ABCA4: variants seen among roughly 807,000 people sequenced by gnomAD.
ABCA4 encodes ATP binding cassette subfamily A member 4, also known as retinal-specific phospholipid-transporting ATPase ABCA4.
ABCA4 carries 196 observed loss-of-function variants against 263.7 expected under a neutral mutation model. The observed-to-expected ratio is 0.74, with a 90% CI of 0.66 to 0.84. The LOEUF is 0.84. Ranked by LOEUF, ABCA4 falls within the 40% of genes least tolerant of loss-of-function variation. The probability of loss-of-function intolerance (pLI) is 0.00; values close to 1 mark genes in which losing one functional copy is unlikely to be tolerated. For missense variants in ABCA4, 2,792 were observed against 2,855.1 expected (o/e 0.98, Z 0.50); for synonymous variants, 1,133 against 1,094.2 (o/e 1.04, Z -0.70).
intron 31 of ABCA4, 101 bp from the exon 32 acceptor site, chr1:94,023,519 T>C: frequency 4.6e-6 from 5 of 1,076,900 alleles, no homozygotes; most frequent in Non-Finnish European, 7.0e-6. Context: ...GTCTCAGTCT[T>C]CAGGGGCATT....
intron 1 of ABCA4, among the ~76,000 whole-genome samples, chr1:94,119,386 T>C (rs1570440182): frequency 6.6e-6 from 1 of 152,206 alleles, no homozygotes; most frequent in Non-Finnish European, 1.5e-5. Context: ...CCCTGCGTCC[T>C]GGGCCAGCCA....
chr1:94,012,516 G>C (rs774731454), intron 38 of ABCA4, among the ~76,000 whole-genome samples: 5 of 152,100 alleles, frequency 3.3e-5, no homozygotes, highest in Non-Finnish European at 7.4e-5. Flanking sequence ...CCTGGAGGGT[G>C]GGCACTGAGT....
intron 20 of ABCA4, among the ~76,000 whole-genome samples, chr1:94,044,127 T>G (rs1203200598): frequency 1.3e-5 from 1 of 74,228 alleles, no homozygotes; most frequent in Non-Finnish European, 3.4e-5. Flanking sequence ...CCTTCCTCCC[T>G]TCCTTCCTCC....
chr1:94,048,822 G>C (rs1248974686), intron 18 of ABCA4, 46 bp downstream of exon 18: 5 of 1,591,320 alleles, frequency 3.1e-6, no homozygotes, highest in Non-Finnish European at 4.3e-6. Flanking sequence ...GCAGTGCTTA[G>C]AGCCTTTTCC....
At chr1:94,013,181 A>G (rs916705795) in intron 38 of ABCA4, among the ~76,000 whole-genome samples, 18 of 151,904 alleles carry the variant, frequency 1.2e-4, no homozygotes, top group African/African-American at 4.3e-4. Flanking sequence ...ACTTTCAGTC[A>G]CCTGGGTGCT....
rs61750633 is a variant in ABCA4, at chr1:94,011,256, A to G, written c.5584+6T>C. The G allele has an allele frequency of 5.0e-6, 8 of 1,613,852 alleles. No homozygotes were observed. Among genetic ancestry groups the G allele is most frequent in the Non-Finnish European group, 5.9e-6 (7 of 1,179,966 alleles). On this transcript the variant is annotated splice_donor_region_variant and intron_variant, in intron 39 of 49. Transcript: ENST00000370225. Reference sequence around the variant, plus strand: ...CCATGCTCCATGGGCCTCGGCTACCACCCACCAAACCGGGCATAGACATCT... The same window carrying G: ...CCATGCTCCATGGGCCTCGGCTACCGCCCACCAAACCGGGCATAGACATCT...
chr1:94,056,750 T>C lies in ABCA4; in HGVS notation c.2233A>G (p.Ile745Val). Residue 745 changes from isoleucine (I) to valine (V), a missense_variant, in exon 15 of 50, where the codon ATC becomes GTC. Physicochemically the swap from Ile to Val is conservative, Grantham distance 29 (BLOSUM62 3). Coordinates refer to ENST00000370225, the MANE Select transcript of ABCA4 (RefSeq NM_000350.3). The part of the protein sequence containing the change: ...LFLLAFSTAT[I>V]MLCFLLSTFF... Reference sequence around the variant, plus strand: ...GTGCTGAGCAGAAAGCACAGCATGATGGTGGCAGTGGAGAAAGCCAACAAG... The same window carrying C: ...GTGCTGAGCAGAAAGCACAGCATGACGGTGGCAGTGGAGAAAGCCAACAAG... The C allele has an allele frequency of 6.2e-7, 1 of 1,613,812 alleles. No homozygotes were observed.
In ABCA4 at chr1:94,000,994, T is replaced by G. The variant is rs1488268940; in HGVS notation, c.6386+8A>C. ...CACCCACCTTCCCCAGCCCTGGGAA[T>G]CTCTTGCCTGTGGGATGTGAGGACC... On this transcript the variant is annotated splice_region_variant and intron_variant, in intron 46 of 49. Coordinates refer to ENST00000370225, the MANE Select transcript of ABCA4 (RefSeq NM_000350.3). The G allele has an allele frequency of 6.2e-7, 1 of 1,614,052 alleles. No homozygotes were observed. The highest frequency in any genetic ancestry group is 1.1e-5 in the South Asian group (1 of 91,070).
At position 94,037,295 on chromosome 1, in the gene ABCA4, C is replaced by T. The variant is rs202109945; in HGVS notation, c.3663G>A (p.Leu1221=). 5.6e-5 allele frequency: 90 copies of T among 1,614,100 alleles called. No individual in the cohort carries two copies. Among genetic ancestry groups the T allele is most frequent in the Non-Finnish European group, 7.5e-5 (88 of 1,180,052 alleles). The part of the protein sequence containing the change: ...VVLHHVPEAK[L]VECIGQELIF... ...TAAGTTCTTGACCAATGCACTCCACCAGCTTTGCCTCTGGAACATGGTGGA... is the reference window on the plus strand; with the variant it reads ...TAAGTTCTTGACCAATGCACTCCACTAGCTTTGCCTCTGGAACATGGTGGA... Residue 1221 remains leucine, a synonymous_variant, in exon 25 of 50, where the codon CTG becomes CTA. Coordinates refer to ENST00000370225, the MANE Select transcript of ABCA4 (RefSeq NM_000350.3).
intron 48 of ABCA4, 131 bp downstream of exon 48, chr1:93,997,730 C>T (rs1465944622): frequency 2.5e-6 from 3 of 1,201,660 alleles, no homozygotes; most frequent in Non-Finnish European, 2.4e-6. Flanking sequence ...CAGCTTTTAC[C>T]CCAATAAACA....
chr1:94,116,974 CTTTCTTTCT>C (rs1302853205), intron 1 of ABCA4, among the ~76,000 whole-genome samples: 2 of 86,314 alleles, frequency 2.3e-5, no homozygotes, highest in East Asian at 7.2e-4. Context: ...CTTTCTCTTT[CTTTCTTTCT>C]TTCTTTCTTT....
At chr1:94,021,565 G>A in intron 34 of ABCA4, 75 bp downstream of exon 34, 1 of 1,507,812 alleles carries the variant, frequency 6.6e-7, no homozygotes, top group South Asian at 1.1e-5. Flanking sequence ...TTTAATGAAG[G>A]TAGGAAAGTA....
In ABCA4 at chr1:94,055,146, C is replaced by A; in HGVS notation, c.2552G>T (p.Gly851Val). Reference sequence around the variant, plus strand: ...CTGATCAAGGTACCAAGCGAGTAAGCCATAGACAGCAGCATCAAGGAGCAT... The same window carrying A: ...CTGATCAAGGTACCAAGCGAGTAAGACATAGACAGCAGCATCAAGGAGCAT... ...QMMLLDAAVYGLLAWYLDQVF... is the reference protein window; with the variant it reads ...QMMLLDAAVYVLLAWYLDQVF... Residue 851 changes from glycine (G) to valine (V), a missense_variant, in exon 16 of 50, where the codon GGC becomes GTC. By Grantham distance (109) the Gly-to-Val change is moderately radical (BLOSUM62 -3). Coordinates refer to ENST00000370225, the MANE Select transcript of ABCA4 (RefSeq NM_000350.3). 1 of 1,614,084 alleles carries A rather than the reference C, an allele frequency of 6.2e-7. No individual in the cohort carries two copies. Among genetic ancestry groups the A allele is most frequent in the Admixed American group, 1.7e-5 (1 of 60,018 alleles).
In ABCA4 at chr1:94,080,465, T is replaced by C; in HGVS notation, c.1099+13A>G. On this transcript the variant is annotated intron_variant, in intron 8 of 49. Coordinates refer to ENST00000370225, the MANE Select transcript of ABCA4 (RefSeq NM_000350.3). ...TGAGAGGCCAATTTATAAGCAGGAC[T>C]CAGAAAACTTACTTGTTCTTCTGTC... The C allele has an allele frequency of 6.2e-7, 1 of 1,614,164 alleles. No individual in the cohort carries two copies. Among genetic ancestry groups the C allele is most frequent in the Non-Finnish European group, 8.5e-7 (1 of 1,180,032 alleles).
chr1:94,043,191 G>T, intron 21 of ABCA4, 145 bp downstream of exon 21: 2 of 1,191,382 alleles, frequency 1.7e-6, no homozygotes, highest in African/African-American at 3.0e-5. Flanking sequence ...TGATCTGGGG[G>T]CTGCTCTTAG....
intron 48 of ABCA4, among the ~76,000 whole-genome samples, chr1:93,996,861 T>C (rs1205127795): frequency 6.6e-6 from 1 of 152,222 alleles, no homozygotes; most frequent in Admixed American, 6.5e-5. Flanking sequence ...GAGGACATTA[T>C]GCTAAGTCCT....
At chr1:94,111,358 C>T in intron 3 of ABCA4, 80 bp downstream of exon 3, 1 of 1,552,774 alleles carries the variant, frequency 6.4e-7, no homozygotes, top group Middle Eastern at 2.1e-4. Flanking sequence ...GCTCCATGCT[C>T]CGTGCACGCA....
intron 7 of ABCA4, among the ~76,000 whole-genome samples, chr1:94,082,946 G>A (rs1230110698): frequency 6.6e-6 from 1 of 152,186 alleles, no homozygotes; most frequent in African/African-American, 2.4e-5. Flanking sequence ...AAAACACTTA[G>A]AAGAAGAGTG....
chr1:94,054,400 G>A (rs1219181623), intron 16 of ABCA4, among the ~76,000 whole-genome samples: 2 of 152,186 alleles, frequency 1.3e-5, no homozygotes, highest in Non-Finnish European at 2.9e-5. Flanking sequence ...GAACCCTGGA[G>A]GAATGTTGTT....
Sources: allele counts gnomAD v4.1 joint callset (sites outside exome capture counted in the v4.1 genomes callset), GRCh38; gene constraint gnomAD v4.1.1; transcripts MANE v1.5; gene names NCBI Gene and HGNC (gene_info 2026-07-23, HGNC 2026-07-21).